THSD7B: variants seen among roughly 807,000 people sequenced by gnomAD.
THSD7B encodes the protein thrombospondin type 1 domain containing 7B, also known as thrombospondin type-1 domain-containing protein 7B.
THSD7B carries 138 observed loss-of-function variants against 213.6 expected under a neutral mutation model. The ratio of observed to expected loss-of-function variants is 0.65; its 90% confidence interval spans 0.56 to 0.74. THSD7B has a LOEUF of 0.74. Among genes scored for constraint, THSD7B ranks in the 30% least tolerant of loss-of-function variants. THSD7B has a pLI of 0.00. For missense variants in THSD7B, 1,931 were observed against 1,991.5 expected (o/e 0.97, Z 0.58); for synonymous variants, 742 against 687.0 (o/e 1.08, Z -1.25).
At chr2:137,561,281 GT>G (rs553613863) in intron 15 of THSD7B, among the ~76,000 whole-genome samples, 12 of 152,192 alleles carry the variant, frequency 7.9e-5, no homozygotes, top group Admixed American at 4.6e-4. Context: ...TAAACAAACA[GT>G]TTTTCATTTT....
chr2:136,933,108 A>ATTCATTCCTTCC (rs1332713279), intron 2 of THSD7B, among the ~76,000 whole-genome samples: 136 of 130,776 alleles, frequency 1.0e-3, no homozygotes, highest in African/African-American at 3.4e-3. Context: ...TTTGCCCGCC[A>ATTCATTCCTTCC]TTCCTTCCTT....
At chr2:137,223,162 A>G (rs75368469) in intron 7 of THSD7B, among the ~76,000 whole-genome samples, 1,630 of 152,134 alleles carry the variant, frequency 0.011, 33 homozygotes, top group African/African-American at 0.036. Flanking sequence ...GGAAATGTTG[A>G]CTGCTCCAGG....
Position 137,659,735 on chromosome 2 carries a change from T to G in THSD7B, c.4447T>G (p.Tyr1483Asp), listed in dbSNP as rs754817023. 2 of 1,602,538 alleles carry G rather than the reference T, an allele frequency of 1.2e-6. No homozygotes were observed. The highest frequency in any genetic ancestry group is 1.7e-6 in the Non-Finnish European group (2 of 1,174,188). Residue 1483 changes from tyrosine to aspartate, a missense_variant, in exon 25 of 28, where the codon TAC becomes GAC. Tyr to Asp is a radical substitution (Grantham distance 160). Coordinates refer to ENST00000409968, the MANE Select transcript of THSD7B (RefSeq NM_001316349.2). ...TCCAGCCTGCAGAAAACCTTTCTCC[T>G]ACTGTACACAGGTGAGTCATGTGCT... Reference protein sequence around the residue: ...CIPACRKPFSYCTQGGVCGCE... With the variant: ...CIPACRKPFSDCTQGGVCGCE...
intron 2 of THSD7B, among the ~76,000 whole-genome samples, chr2:136,976,125 CAA>C (rs1311853060): frequency 1.3e-5 from 2 of 152,196 alleles, no homozygotes; most frequent in African/African-American, 2.4e-5. Context: ...CATCTGCAAA[CAA>C]AGACAATTTG....
chr2:137,105,367 C>T (rs1261136466), intron 4 of THSD7B, among the ~76,000 whole-genome samples: 1 of 151,964 alleles, frequency 6.6e-6, no homozygotes, highest in East Asian at 1.9e-4. Context: ...CCCCTTCATG[C>T]TATAAACTCA....
At chr2:137,596,279 G>T (rs1367681537) in intron 17 of THSD7B, among the ~76,000 whole-genome samples, 1 of 152,026 alleles carries the variant, frequency 6.6e-6, no homozygotes, top group Non-Finnish European at 1.5e-5. Context: ...TAAGAATTCA[G>T]TTAAATGGAG....
At chr2:137,107,925 T>A (rs1279376319) in intron 4 of THSD7B, among the ~76,000 whole-genome samples, 2 of 152,236 alleles carry the variant, frequency 1.3e-5, no homozygotes, top group Non-Finnish European at 2.9e-5. Flanking sequence ...ATCAGTTCTC[T>A]TTATTTTAGT....
intron 3 of THSD7B, among the ~76,000 whole-genome samples, chr2:137,069,638 A>T (rs1186899200): frequency 6.6e-6 from 1 of 151,942 alleles, no homozygotes; most frequent in African/African-American, 2.4e-5. Context: ...CGATTTTTTA[A>T]AAAGCCATCA....
chr2:136,889,912 A>C (rs770713975), intron 2 of THSD7B, among the ~76,000 whole-genome samples: 1 of 152,130 alleles, frequency 6.6e-6, no homozygotes, highest in Non-Finnish European at 1.5e-5. Context: ...CGCATCCTCT[A>C]GTACTGCTAA....
intron 1 of THSD7B, among the ~76,000 whole-genome samples, chr2:136,867,873 T>A (rs1365326131): frequency 1.3e-5 from 2 of 152,344 alleles, no homozygotes; most frequent in East Asian, 3.9e-4. Flanking sequence ...TTAGAAAGTA[T>A]TTGTGTGTAC....
At chr2:137,045,800 C>A (rs555430540) in intron 2 of THSD7B, among the ~76,000 whole-genome samples, 2 of 152,166 alleles carry the variant, frequency 1.3e-5, no homozygotes, top group East Asian at 3.9e-4. Context: ...GACTGGGTAC[C>A]CCATTGCTGT....
chr2:137,034,201 A>G (rs1479903460), intron 2 of THSD7B, among the ~76,000 whole-genome samples: 1 of 152,056 alleles, frequency 6.6e-6, no homozygotes, highest in Non-Finnish European at 1.5e-5. Context: ...CCTATCATTG[A>G]TGGTGCTGGG....
chr2:136,903,377 C>T (rs373884984), intron 2 of THSD7B, among the ~76,000 whole-genome samples: 1 of 152,054 alleles, frequency 6.6e-6, no homozygotes, highest in South Asian at 2.1e-4. Flanking sequence ...GTTTTGAAGG[C>T]AATCTTTCCT....
At chr2:137,474,087 A>G (rs1688147466) in intron 15 of THSD7B, among the ~76,000 whole-genome samples, 1 of 152,174 alleles carries the variant, frequency 6.6e-6, no homozygotes, top group African/African-American at 2.4e-5. Flanking sequence ...CTTTCAGCAA[A>G]TTGTTTTCAT....
intron 2 of THSD7B, among the ~76,000 whole-genome samples, chr2:136,902,985 C>T (rs887938880): frequency 2.0e-5 from 3 of 152,150 alleles, no homozygotes. Context: ...GGCTTGTGTC[C>T]AGCTCTGTTC....
At chr2:137,597,030 G>C (rs1681974199) in intron 17 of THSD7B, among the ~76,000 whole-genome samples, 1 of 152,036 alleles carries the variant, frequency 6.6e-6, no homozygotes, top group Admixed American at 6.6e-5. Flanking sequence ...TCACCAGAAA[G>C]AACATTTTGA....
In THSD7B at chr2:137,665,682, C is replaced by T. The variant is rs918170445; in HGVS notation, c.4652-2092C>T. On this transcript the variant is annotated intron_variant, in intron 26 of 27. Coordinates refer to ENST00000409968, the MANE Select transcript of THSD7B (RefSeq NM_001316349.2). ...TATATGCACATATACTAAAAGAAGT[C>T]CGTAAATTATATGAATTACATGATT... is the stretch of plus-strand genomic sequence containing the variant. 3.9e-5 allele frequency among the ~76,000 whole-genome samples: 6 copies of T among 151,984 alleles called. No homozygotes were observed. In the East Asian group the frequency reaches 1.2e-3, roughly 29 times the overall value.
chr2:137,485,498 G>C (rs898517686), intron 15 of THSD7B, among the ~76,000 whole-genome samples: 1 of 152,088 alleles, frequency 6.6e-6, no homozygotes, highest in Admixed American at 6.6e-5. Flanking sequence ...TTGACTTGGC[G>C]ATGCGGGCCA....
chr2:136,901,233 T>C (rs1457787616), intron 2 of THSD7B, among the ~76,000 whole-genome samples: 1 of 152,224 alleles, frequency 6.6e-6, no homozygotes, highest in African/African-American at 2.4e-5. Flanking sequence ...CTGTGAGAGT[T>C]ACAAAGCAAA....
Sources: gnomAD v4.1 joint callset for allele counts (sites outside exome capture counted in the v4.1 genomes callset) on GRCh38, gnomAD v4.1.1 for gene constraint, MANE v1.5 for transcripts, NCBI Gene and HGNC (gene_info 2026-07-23, HGNC 2026-07-21) for gene names.